PAICS: variants seen among roughly 807,000 people sequenced by gnomAD.
The protein encoded by PAICS is bifunctional phosphoribosylaminoimidazole carboxylase/phosphoribosylaminoimidazole succinocarboxamide synthetase.
Under a neutral mutation model 53.7 loss-of-function variants are expected in PAICS, and 33 were observed. The ratio of observed to expected loss-of-function variants is 0.61; its 90% CI spans 0.47 to 0.82. The LOEUF (loss-of-function observed/expected upper bound fraction) is 0.82. Ranked by LOEUF, PAICS falls within the 40% of genes least tolerant of loss-of-function variation. The pLI, the probability that PAICS is intolerant of heterozygous loss-of-function variation, is 0.00. For synonymous variants in PAICS, 141 were observed against 167.2 expected (o/e 0.84, Z 1.21); for missense variants, 394 against 494.1 (o/e 0.80, Z 1.92).
At chr4:56,455,469 C>T (rs1719147965) in intron 8 of PAICS, among the ~76,000 whole-genome samples, 2 of 152,160 alleles carry the variant, frequency 1.3e-5, no homozygotes, top group Non-Finnish European at 2.9e-5. Flanking sequence ...CCCCCTTTAC[C>T]ATAATTTTGG....
chr4:56,419,683 G>A, the PAICS span: 58 of 983,484 alleles, frequency 5.9e-5, no homozygotes, highest in East Asian at 1.1e-4. Context: ...AATGAAGGAG[G>A]AAAGCACTGG....
At position 56,436,304 on chromosome 4, in the gene PAICS, C is replaced by T. The variant is rs1379675489; in HGVS notation, c.-9C>T. ...CGGCGCGGTCGCAGCCCTCAGCCCA[C>T]TTAGGATAATGGCGACAGCTGAGGG... On this transcript the variant is annotated 5_prime_UTR_variant, in exon 1 of 9. Transcript: ENST00000512576. 6.2e-7 allele frequency: 1 copy of T among 1,602,464 alleles called. No individual in the cohort carries two copies. The highest frequency in any genetic ancestry group is 1.7e-5 in the Admixed American group (1 of 58,884).
intron 7 of PAICS, 70 bp from the exon 8 acceptor site, chr4:56,453,533 A>AC (rs1719027518): frequency 8.1e-7 from 1 of 1,236,840 alleles, no homozygotes; most frequent in Non-Finnish European, 1.1e-6. Flanking sequence ...TAAACCAAAA[A>AC]AAAAAAAAAA....
chr4:56,436,407 A>G, intron 1 of PAICS, 79 bp downstream of exon 1: 1 of 1,160,364 alleles, frequency 8.6e-7, no homozygotes. Flanking sequence ...CGAGCCGCGA[A>G]ACTCTGTCCC....
chr4:56,421,270 T>C, the PAICS span: 6 of 158,058 alleles, frequency 3.8e-5, no homozygotes, highest in South Asian at 1.2e-3. Flanking sequence ...GATGGGACCA[T>C]GTAGTTGCAG....
chr4:56,458,327 G>T, intron 8 of PAICS, among the ~76,000 whole-genome samples: 1 of 151,724 alleles, frequency 6.6e-6, no homozygotes, highest in South Asian at 2.1e-4. Context: ...TTACCAGAAA[G>T]GGAGTCCTGG....
rs537368545 is a variant in PAICS at position 56,463,334 on chromosome 4, G to A, written c.*3796G>A. On this transcript the variant is annotated 3_prime_UTR_variant, in exon 9 of 9. Coordinates refer to ENST00000512576, the MANE Select transcript of PAICS (RefSeq NM_001079524.2). ...AGATACCATAAGATACTGTACATGA[G>A]GCTGGGCGCGGTGGCTCACGTCTTA... 8.0e-4 allele frequency: 121 copies of A among 151,474 alleles called. 1 individual carries two copies. Among genetic ancestry groups the A allele is most frequent in the African/African-American group, 2.9e-3 (120 of 41,208 alleles). 9.4% of individuals were successfully genotyped at this position (151,474 alleles called of 1,614,324 possible).
At chr4:56,444,579 A>C (rs1424692236) in intron 2 of PAICS, among the ~76,000 whole-genome samples, 2 of 152,108 alleles carry the variant, frequency 1.3e-5, no homozygotes, top group African/African-American at 4.8e-5. Flanking sequence ...TTTTTTAGTA[A>C]CCTGAATGAG....
Position 56,463,858 on chromosome 4 carries a change from A to G in PAICS, c.*4320A>G, listed in dbSNP as rs1259726357. 1.3e-5 allele frequency: 2 copies of G among 152,160 alleles called. No homozygotes were observed. Among genetic ancestry groups the G allele is most frequent in the Non-Finnish European group, 2.9e-5 (2 of 68,026 alleles). The allele number at this position is 152,160 out of a possible 1,614,324, so 9.4% of individuals were successfully genotyped here. On this transcript the variant is annotated 3_prime_UTR_variant, in exon 9 of 9. Coordinates refer to ENST00000512576, the MANE Select transcript of PAICS (RefSeq NM_001079524.2). Reference sequence around the variant, plus strand: ...AACAACATTTCTAGGTACATCTGTGATGGTGTTTCTGGAAGAGACTAGCAC... The same window carrying G: ...AACAACATTTCTAGGTACATCTGTGGTGGTGTTTCTGGAAGAGACTAGCAC...
the PAICS span, among the ~76,000 whole-genome samples, chr4:56,424,857 C>T: frequency 6.6e-6 from 1 of 152,206 alleles, no homozygotes; most frequent in African/African-American, 2.4e-5. Flanking sequence ...TTCCCGCAAG[C>T]CACTGCTTTC....
chr4:56,434,751 G>A (rs944187378), upstream of PAICS, among the ~76,000 whole-genome samples: 10 of 152,044 alleles, frequency 6.6e-5, no homozygotes, highest in African/African-American at 2.4e-4. Flanking sequence ...ATTTATGTGA[G>A]ATCTACTACC....
In PAICS at chr4:56,446,747, G is replaced by T; in HGVS notation, c.267G>T (p.Pro89=). ...RKCGETAFIA[P]QCEMIPIEWV... ...GTGGGGAGACAGCTTTCATTGCACC[G>T]CAGTGTGAAATGATTCCAATTGAAT... is the stretch of plus-strand genomic sequence containing the variant. Residue 89 remains proline, a synonymous_variant, in exon 3 of 9, where the codon CCG becomes CCT. Coordinates refer to ENST00000512576, the MANE Select transcript of PAICS (RefSeq NM_001079524.2). The T allele has an allele frequency of 6.2e-7, 1 of 1,604,414 alleles. No individual in the cohort carries two copies. The highest frequency in any genetic ancestry group is 8.5e-7 in the Non-Finnish European group (1 of 1,174,074).
In PAICS at chr4:56,456,371, C is replaced by T. The variant is rs145960194; in HGVS notation, c.1111+2610C>T. On this transcript the variant is annotated intron_variant, in intron 8 of 8. Coordinates refer to ENST00000512576, the MANE Select transcript of PAICS (RefSeq NM_001079524.2). ...CCTCCCAAAGTGCTGAGGTTATGGGCGTCAGCCACTGTGCCCGGCCTTCAT... is the reference window on the plus strand; with the variant it reads ...CCTCCCAAAGTGCTGAGGTTATGGGTGTCAGCCACTGTGCCCGGCCTTCAT... Among the ~76,000 whole-genome samples, 20 of 152,262 alleles carry T rather than the reference C, an allele frequency of 1.3e-4. No homozygotes were observed. In the East Asian group the frequency reaches 3.5e-3, roughly 26 times the overall value.
At chr4:56,413,046 A>G in the PAICS span, among the ~76,000 whole-genome samples, 3 of 152,172 alleles carry the variant, frequency 2.0e-5, no homozygotes, top group African/African-American at 7.2e-5. Context: ...TGCAATTAAT[A>G]CCTTTTGTCC....
chr4:56,445,444 A>G (rs1718564096), intron 2 of PAICS, among the ~76,000 whole-genome samples: 1 of 152,130 alleles, frequency 6.6e-6, no homozygotes, highest in African/African-American at 2.4e-5. Context: ...AAAATTAGCC[A>G]GGCGTGGTGG....
At chr4:56,427,595 T>C in the PAICS span, among the ~76,000 whole-genome samples, 2 of 150,038 alleles carry the variant, frequency 1.3e-5, no homozygotes, top group East Asian at 3.9e-4. Context: ...TCGCTTGAGC[T>C]CAGGAGGTCC....
chr4:56,416,026 C>T, the PAICS span, among the ~76,000 whole-genome samples: 3 of 150,882 alleles, frequency 2.0e-5, no homozygotes, highest in African/African-American at 4.9e-5. Context: ...GCCGAGATCA[C>T]ACCACTGCAC....
chr4:56,410,899 T>TAAAAA, the PAICS span: 120 of 678,534 alleles, frequency 1.8e-4, 3 homozygotes, highest in East Asian at 7.5e-4. Context: ...CCACTGAAGG[T>TAAAAA]AAAAAAAAAA....
At chr4:56,424,305 G>A in the PAICS span, among the ~76,000 whole-genome samples, 150,000 of 152,284 alleles carry the variant, frequency 0.99, 73,925 homozygotes, top group Middle Eastern at 1. Flanking sequence ...ACTTCTGAAG[G>A]TTTTGATCTA....
Sources: allele counts gnomAD v4.1 joint callset (sites outside exome capture counted in the v4.1 genomes callset), GRCh38; gene constraint gnomAD v4.1.1; transcripts MANE v1.5; gene names NCBI Gene and HGNC (gene_info 2026-07-23, HGNC 2026-07-21).